The following DDX19B variants were observed in gnomAD, a reference collection of about 807,000 sequenced individuals.
DDX19B encodes ATP-dependent RNA helicase DDX19B.
A neutral mutation model predicts 58.1 loss-of-function variants in DDX19B; 27 were observed. The ratio of observed to expected loss-of-function variants is 0.46; its 90% confidence interval spans 0.34 to 0.64. The LOEUF is 0.64. Among genes scored for constraint, DDX19B ranks in the 30% least tolerant of loss-of-function variants. The probability of loss-of-function intolerance (pLI) is 0.01; values close to 1 mark genes in which losing one functional copy is unlikely to be tolerated. For missense variants in DDX19B, 399 were observed against 596.5 expected (o/e 0.67, Z 3.45); for synonymous variants, 187 against 214.4 (o/e 0.87, Z 1.12).
chr16:70,299,287 C>A lies in DDX19B; in HGVS notation c.-11C>A. On this transcript the variant is annotated 5_prime_UTR_variant, in exon 1 of 12. Coordinates refer to ENST00000288071, the MANE Select transcript of DDX19B (RefSeq NM_007242.7). ...TCCACCAGCACGAGCGTCCCACCCG[C>A]GCCTGGGACCATGGCCACTGACTCA... 6.3e-7 allele frequency: 1 copy of A among 1,580,616 alleles called. No homozygotes were observed. Among genetic ancestry groups the A allele is most frequent in the Non-Finnish European group, 8.6e-7 (1 of 1,166,534 alleles).
At chr16:70,314,787 T>G (rs1197006551) in intron 2 of DDX19B, 115 bp from the exon 3 acceptor site, 1 of 1,083,662 alleles carries the variant, frequency 9.2e-7, no homozygotes, top group African/African-American at 1.6e-5. Flanking sequence ...GTTTCCTCAT[T>G]TATTTTTTGC....
intron 5 of DDX19B, 81 bp from the exon 6 acceptor site, chr16:70,324,504 A>C: frequency 1.6e-6 from 2 of 1,277,272 alleles, no homozygotes; most frequent in South Asian, 2.6e-5. Flanking sequence ...CCTATAAATG[A>C]ATTTTTAATA....
intron 7 of DDX19B, among the ~76,000 whole-genome samples, chr16:70,327,551 A>C (rs950229741): frequency 1.4e-5 from 2 of 142,040 alleles, no homozygotes; most frequent in Admixed American, 7.3e-5. Flanking sequence ...ACAAACAAAA[A>C]AAAACAAACA....
At chr16:70,328,361 T>G (rs1402300944) in intron 7 of DDX19B, among the ~76,000 whole-genome samples, 1 of 135,728 alleles carries the variant, frequency 7.4e-6, no homozygotes, top group African/African-American at 3.0e-5. Context: ...AATTCTGAAT[T>G]TTTTTTTTTT....
Position 70,316,119 on chromosome 16 carries a change from A to C in DDX19B, c.296+15A>C. 6.2e-7 allele frequency: 1 copy of C among 1,613,374 alleles called. No individual in the cohort carries two copies. The highest frequency in any genetic ancestry group is 8.5e-7 in the Non-Finnish European group (1 of 1,179,866). ...GAGCTTCGGCTGTGAGTATTTATTC[A>C]CCTTCTGACTCTTCCCCTTTGCACT... On this transcript the variant is annotated intron_variant, in intron 4 of 11. Transcript: ENST00000288071.
chr16:70,307,065 T>C (rs532160257), intron 1 of DDX19B, among the ~76,000 whole-genome samples: 1 of 152,356 alleles, frequency 6.6e-6, no homozygotes, highest in South Asian at 2.1e-4. Flanking sequence ...TTCCTTATTG[T>C]TGCCAAATAA....
At chr16:70,319,802 G>A (rs1962667921) in intron 5 of DDX19B, 1 of 151,970 alleles carries the variant, frequency 6.6e-6, no homozygotes, top group African/African-American at 2.4e-5. Flanking sequence ...TGAAGTAGGA[G>A]GATAACCTGA....
chr16:70,300,587 G>T (rs1381527064), intron 1 of DDX19B, among the ~76,000 whole-genome samples: 2 of 150,832 alleles, frequency 1.3e-5, no homozygotes, highest in South Asian at 4.2e-4. Flanking sequence ...GGAGTGCATT[G>T]ACACCATCTC....
chr16:70,327,025 G>A (rs554761314), intron 7 of DDX19B, among the ~76,000 whole-genome samples: 27 of 151,476 alleles, frequency 1.8e-4, no homozygotes, highest in African/African-American at 5.1e-4. Flanking sequence ...TAGTAGAGAC[G>A]GGGTTTCACT....
At position 70,334,298 on chromosome 16, in the gene DDX19B, G is replaced by A. The variant is rs1029624787; in HGVS notation, c.*716G>A. The A allele has an allele frequency of 2.6e-5, 4 of 152,460 alleles. No homozygotes were observed. The East Asian group carries it at 5.8e-4, about 22-fold the overall frequency. The allele number at this position is 152,460 out of a possible 1,614,324, so 9.4% of individuals were successfully genotyped here. A position where few individuals can be genotyped will look rare whatever the true frequency, so the allele number is the denominator to read the frequency against. ...CTGATTATTGGTGGGTCCTGTGCCT[G>A]TGCTTAAGCAAGTCCTGTGGAGAAG... On this transcript the variant is annotated 3_prime_UTR_variant, in exon 12 of 12. Transcript: ENST00000288071.
chr16:70,329,274 A>G lies in DDX19B; in HGVS notation c.608-18A>G. 6.2e-7 allele frequency: 1 copy of G among 1,610,132 alleles called. No homozygotes were observed. Among genetic ancestry groups the G allele is most frequent in the Non-Finnish European group, 8.5e-7 (1 of 1,179,934 alleles). On this transcript the variant is annotated intron_variant, in intron 7 of 11. Coordinates refer to ENST00000288071, the MANE Select transcript of DDX19B (RefSeq NM_007242.7). The stretch of plus-strand genomic sequence containing the variant: ...AAAGAAATACCCACACATGGAAAAC[A>G]TCTTGGGGTCTCCACAGTGGAAAGA...
intron 1 of DDX19B, among the ~76,000 whole-genome samples, chr16:70,308,104 C>T (rs1015920172): frequency 1.3e-5 from 2 of 150,958 alleles, no homozygotes; most frequent in African/African-American, 4.9e-5. Flanking sequence ...AGGCACCCAC[C>T]ACCATGCCCA....
chr16:70,328,359 ATTT>A (rs1202085538), intron 7 of DDX19B, among the ~76,000 whole-genome samples: 4 of 131,356 alleles, frequency 3.0e-5, no homozygotes, highest in Non-Finnish European at 3.3e-5. Context: ...AGAATTCTGA[ATTT>A]TTTTTTTTTT....
chr16:70,312,755 A>G, intron 2 of DDX19B, 98 bp downstream of exon 2: 1 of 996,770 alleles, frequency 1.0e-6, no homozygotes, highest in Non-Finnish European at 1.5e-6. Context: ...TATTTGTACC[A>G]GGCAGGGCAT....
chr16:70,294,501 T>G (rs1428887149), upstream of DDX19B, among the ~76,000 whole-genome samples: 11 of 152,188 alleles, frequency 7.2e-5, no homozygotes, highest in Non-Finnish European at 1.2e-4. Context: ...GATGCAAAAT[T>G]TTTAAAAAGT....
intron 5 of DDX19B, among the ~76,000 whole-genome samples, chr16:70,323,545 TC>T (rs1312705760): frequency 6.6e-6 from 1 of 151,986 alleles, no homozygotes; most frequent in African/African-American, 2.4e-5. Context: ...TGCCTCAGCC[TC>T]CCAAGGAGCT....
chr16:70,297,363 C>A (rs1281783327), upstream of DDX19B, among the ~76,000 whole-genome samples: 1 of 152,014 alleles, frequency 6.6e-6, no homozygotes, highest in African/African-American at 2.4e-5. Flanking sequence ...CAGGTGTGCA[C>A]CACCATGCTT....
upstream of DDX19B, chr16:70,298,908 G>C (rs1020427121): frequency 4.9e-6 from 1 of 203,652 alleles, no homozygotes; most frequent in Non-Finnish European, 9.7e-6. Flanking sequence ...TATTGGTAAT[G>C]GTTTTCTGTT....
chr16:70,329,181 C>CCATT, intron 7 of DDX19B, 111 bp from the exon 8 acceptor site: 1 of 1,407,328 alleles, frequency 7.1e-7, no homozygotes, highest in African/African-American at 1.5e-5. Context: ...CGAGATCATG[C>CCATT]CATTGCACTC....
Sources: gnomAD v4.1 joint callset for allele counts (sites outside exome capture counted in the v4.1 genomes callset) on GRCh38, gnomAD v4.1.1 for gene constraint, MANE v1.5 for transcripts, NCBI Gene and HGNC (gene_info 2026-07-23, HGNC 2026-07-21) for gene names.